Variants in PCDH15 observed in about 807,000 individuals in gnomAD.
The protein encoded by PCDH15 is protocadherin related 15, also known as protocadherin-15.
PCDH15 carries 129 observed loss-of-function variants against 178.5 expected under a neutral mutation model. That is an observed-to-expected ratio of 0.72 (90% CI 0.63 to 0.84). The LOEUF (loss-of-function observed/expected upper bound fraction) is 0.84. Among genes scored for constraint, PCDH15 ranks in the 40% least tolerant of loss-of-function variants. The pLI is 0.00. For synonymous variants in PCDH15, 800 were observed against 732.0 expected (o/e 1.09, Z -1.50); for missense variants, 2,230 against 2,099.9 (o/e 1.06, Z -1.21).
chr10:54,821,637 G>C (rs1343916815), intron 3 of PCDH15, among the ~76,000 whole-genome samples: 1 of 151,966 alleles, frequency 6.6e-6, no homozygotes, highest in Non-Finnish European at 1.5e-5. Flanking sequence ...CTCTTCACAA[G>C]ACTGCAATTT....
Position 54,825,601 on chromosome 10 carries a change from G to T in PCDH15, c.-29+71849C>A, listed in dbSNP as rs1398929402. Among the ~76,000 whole-genome samples the T allele has an allele frequency of 8.7e-5, 13 of 149,662 alleles. No homozygotes were observed. The Admixed American group carries it at 8.7e-4, about 10-fold the overall frequency. On this transcript the variant is annotated intron_variant, in intron 3 of 5. Transcript: ENST00000458638. ...TGAGATGGTATCTCATTGTGGTTTT[G>T]ATTTGCATTTCTCTGATGGCCAGTG...
intron 2 of PCDH15, among the ~76,000 whole-genome samples, chr10:55,046,456 A>C (rs1841008923): frequency 6.6e-6 from 1 of 152,020 alleles, no homozygotes; most frequent in Admixed American, 6.6e-5. Flanking sequence ...TTCATTATAC[A>C]TTTTGTAGAA....
intron 2 of PCDH15, among the ~76,000 whole-genome samples, chr10:55,542,447 T>C (rs1841786100): frequency 6.6e-6 from 1 of 151,058 alleles, no homozygotes; most frequent in African/African-American, 2.4e-5. Context: ...ATATGTAATA[T>C]ATGTATTTAA....
rs147916117 is a variant in PCDH15 at position 54,215,328 on chromosome 10, G to T, written c.986-1280C>A. Among the ~76,000 whole-genome samples, 173 of 115,624 alleles carry T rather than the reference G, an allele frequency of 1.5e-3. 1 individual carries two copies. The highest frequency in any genetic ancestry group is 5.4e-3 in the African/African-American group (151 of 28,052). 75.9% of individuals were successfully genotyped at this position (115,624 alleles called of 152,430 possible). A position where few individuals can be genotyped will look rare whatever the true frequency, so the allele number is the denominator to read the frequency against. On this transcript the variant is annotated intron_variant, in intron 9 of 37. Coordinates refer to ENST00000644397, the MANE Select transcript of PCDH15 (RefSeq NM_001384140.1). ...CTGAGACAAGAAGGGAAATTCTACT[G>T]GGCAGTAAATGAGGGGGAAAAAAAA...
intron 2 of PCDH15, among the ~76,000 whole-genome samples, chr10:54,980,476 C>A (rs563768870): frequency 2.0e-5 from 3 of 151,888 alleles, no homozygotes; most frequent in African/African-American, 7.3e-5. Flanking sequence ...CTGTTTTCTA[C>A]ATTTTCCTCT....
rs2093873595 is a variant in PCDH15 at position 54,637,115 on chromosome 10, A to G, written c.91+27057T>C. Among the ~76,000 whole-genome samples, 3 of 149,874 alleles carry G rather than the reference A, an allele frequency of 2.0e-5. No individual in the cohort carries two copies. In the South Asian group the frequency reaches 6.3e-4, roughly 31 times the overall value. On this transcript the variant is annotated intron_variant, in intron 2 of 37. Transcript: ENST00000644397. ...TACTCCTAGTCAAGACTCAACTAAG[A>G]ATCAATCTTCAAAAAAAAAAAAAAA... is the stretch of plus-strand genomic sequence containing the variant.
intron 1 of PCDH15, among the ~76,000 whole-genome samples, chr10:54,739,251 A>G (rs186288530): frequency 7.9e-5 from 12 of 152,134 alleles, no homozygotes; most frequent in African/African-American, 1.7e-4. Context: ...ACAACAATTA[A>G]TAACATTTCT....
intron 3 of PCDH15, among the ~76,000 whole-genome samples, chr10:54,852,130 G>T (rs1012087437): frequency 1.3e-5 from 2 of 152,108 alleles, no homozygotes; most frequent in Non-Finnish European, 1.5e-5. Context: ...AGCATCCAAG[G>T]TCTGCAGACA....
At chr10:55,104,586 T>G (rs936039276) in intron 2 of PCDH15, among the ~76,000 whole-genome samples, 1 of 152,150 alleles carries the variant, frequency 6.6e-6, no homozygotes, top group African/African-American at 2.4e-5. Flanking sequence ...CAAGGTTCTG[T>G]GTCTTTTGGT....
intron 2 of PCDH15, among the ~76,000 whole-genome samples, chr10:55,451,181 T>A (rs546474038): frequency 6.2e-4 from 95 of 152,002 alleles, no homozygotes; most frequent in Non-Finnish European, 1.2e-3. Context: ...CCTATGTGTG[T>A]CGCATTCCCT....
chr10:54,842,183 C>CGT (rs35175067), intron 3 of PCDH15, among the ~76,000 whole-genome samples: 9 of 150,072 alleles, frequency 6.0e-5, no homozygotes, highest in South Asian at 2.1e-4. Flanking sequence ...TGTATGTGTG[C>CGT]GTGTGTGTGT....
chr10:54,376,899 T>G (rs1359263035), intron 4 of PCDH15, among the ~76,000 whole-genome samples: 2 of 152,008 alleles, frequency 1.3e-5, no homozygotes, highest in Non-Finnish European at 2.9e-5. Flanking sequence ...ACAAAAATTT[T>G]CACTGCAGCA....
chr10:55,392,058 C>T (rs1312736001), intron 2 of PCDH15, among the ~76,000 whole-genome samples: 3 of 152,054 alleles, frequency 2.0e-5, no homozygotes, highest in African/African-American at 4.8e-5. Context: ...GGGAAAGAGT[C>T]TTGGTGCAAT....
chr10:54,712,177 CAA>C (rs1456591835), intron 1 of PCDH15, among the ~76,000 whole-genome samples: 18 of 151,432 alleles, frequency 1.2e-4, no homozygotes, highest in Non-Finnish European at 2.1e-4. Flanking sequence ...ACTTAATCTT[CAA>C]AGTTTCAAAA....
chr10:54,692,562 G>A (rs1463775922), intron 1 of PCDH15, among the ~76,000 whole-genome samples: 1 of 152,172 alleles, frequency 6.6e-6, no homozygotes, highest in Non-Finnish European at 1.5e-5. Context: ...GACATCTCAT[G>A]CATAGAAAAG....
chr10:54,706,686 C>A (rs866825151), intron 1 of PCDH15, among the ~76,000 whole-genome samples: 1 of 152,100 alleles, frequency 6.6e-6, no homozygotes, highest in African/African-American at 2.4e-5. Context: ...TGCAGTGGCG[C>A]GATCTCGGCT....
At chr10:55,521,217 T>G (rs1480227323) in intron 2 of PCDH15, among the ~76,000 whole-genome samples, 2 of 152,038 alleles carry the variant, frequency 1.3e-5, no homozygotes, top group Non-Finnish European at 2.9e-5. Context: ...CATAATGTCT[T>G]TTAGATTTAT....
chr10:54,954,660 T>C lies in PCDH15; in HGVS notation c.-79-57160A>G, dbSNP rs115085847. On this transcript the variant is annotated intron_variant, in intron 2 of 5. Coordinates refer to the PCDH15 transcript ENST00000458638. ...CCTCCAGGTAATGTCTAAATAGATC[T>C]GCTTTACACTTGTATTTTCTAATAC... 7.6e-3 allele frequency among the ~76,000 whole-genome samples: 1,150 copies of C among 151,438 alleles called. 16 individuals carry two copies. Among genetic ancestry groups the C allele is most frequent in the African/African-American group, 0.026 (1,095 of 41,492 alleles).
At chr10:55,307,753 A>T (rs554038158) in intron 1 of PCDH15, among the ~76,000 whole-genome samples, 1 of 152,064 alleles carries the variant, frequency 6.6e-6, no homozygotes, top group South Asian at 2.1e-4. Context: ...AAATATTTTT[A>T]AAAATTTATT....
Sources: gnomAD v4.1 joint callset for allele counts (sites outside exome capture counted in the v4.1 genomes callset) on GRCh38, gnomAD v4.1.1 for gene constraint, MANE v1.5 for transcripts, NCBI Gene and HGNC (gene_info 2026-07-23, HGNC 2026-07-21) for gene names.